Variants in PITPNC1 observed in about 807,000 individuals in gnomAD.
PITPNC1 encodes the protein phosphatidylinositol transfer protein cytoplasmic 1.
A neutral mutation model predicts 44.7 loss-of-function variants in PITPNC1; 18 were observed. The observed-to-expected ratio is 0.40, with a 90% CI of 0.28 to 0.60. The LOEUF (loss-of-function observed/expected upper bound fraction) is 0.60, where lower values mean the gene tolerates loss of function less well. Ranked by LOEUF, PITPNC1 falls within the 20% of genes least tolerant of loss-of-function variation. PITPNC1 has a pLI of 0.39. For missense variants in PITPNC1, 290 were observed against 418.4 expected (o/e 0.69, Z 2.68); for synonymous variants, 141 against 149.6 (o/e 0.94, Z 0.42).
chr17:67,464,160 T>C (rs2039388698), intron 1 of PITPNC1, among the ~76,000 whole-genome samples: 1 of 151,422 alleles, frequency 6.6e-6, no homozygotes, highest in African/African-American at 2.4e-5. Flanking sequence ...GCCACTGCAC[T>C]CCAGCCTGGG....
At chr17:67,380,969 C>T (rs1433291716) in intron 1 of PITPNC1, among the ~76,000 whole-genome samples, 5 of 151,968 alleles carry the variant, frequency 3.3e-5, no homozygotes, top group Admixed American at 6.6e-5. Flanking sequence ...GACAGGGACT[C>T]GCTGTGTTGC....
chr17:67,600,308 C>CA (rs1410867167), intron 5 of PITPNC1, among the ~76,000 whole-genome samples: 2 of 152,076 alleles, frequency 1.3e-5, no homozygotes, highest in African/African-American at 2.4e-5. Flanking sequence ...AAAAACGACC[C>CA]CGCAAATCTA....
rs151024440 is a variant in PITPNC1, at chr17:67,641,783, AAATAATAAT to A, written c.462+9578_462+9586del. On this transcript the variant is annotated intron_variant, in intron 6 of 8. Coordinates refer to ENST00000581322, the MANE Select transcript of PITPNC1 (RefSeq NM_012417.4). ...GGCAGCAGAGCAAGACCCTACCTCA[AAATAATAAT>A]AATAATAATAATAATAATAATAATA... is the stretch of plus-strand genomic sequence containing the variant. 6.9e-3 allele frequency among the ~76,000 whole-genome samples: 937 copies of A among 135,906 alleles called. 7 individuals carry two copies. The highest frequency in any genetic ancestry group is 0.017 in the African/African-American group (615 of 36,594). The allele number at this position is 135,906 out of a possible 152,430, so 89.2% of individuals were successfully genotyped here.
intron 5 of PITPNC1, among the ~76,000 whole-genome samples, chr17:67,593,117 A>C (rs776240633): frequency 6.6e-5 from 10 of 152,224 alleles, no homozygotes; most frequent in African/African-American, 9.6e-5. Flanking sequence ...TACAAACCTG[A>C]CCATGGAAAC....
intron 5 of PITPNC1, among the ~76,000 whole-genome samples, chr17:67,617,264 G>T (rs1268928511): frequency 1.3e-5 from 2 of 152,216 alleles, no homozygotes; most frequent in East Asian, 3.8e-4. Context: ...CCAGCACTTC[G>T]GGAGGCCGAG....
At chr17:67,534,541 G>A (rs2040503427) in intron 2 of PITPNC1, among the ~76,000 whole-genome samples, 1 of 151,970 alleles carries the variant, frequency 6.6e-6, no homozygotes, top group South Asian at 2.1e-4. Context: ...GGAAGGCTGA[G>A]GTGGGAGGAT....
intron 5 of PITPNC1, among the ~76,000 whole-genome samples, chr17:67,589,063 TATC>T (rs2041357351): frequency 6.6e-6 from 1 of 152,210 alleles, no homozygotes; most frequent in African/African-American, 2.4e-5. Flanking sequence ...GAAGGATTAT[TATC>T]TGCTTTGGTC....
intron 2 of PITPNC1, among the ~76,000 whole-genome samples, chr17:67,541,691 A>C (rs2040610056): frequency 6.6e-6 from 1 of 152,212 alleles, no homozygotes; most frequent in African/African-American, 2.4e-5. Context: ...TATATCTAGA[A>C]ACTCAAGTGA....
At chr17:67,632,384 A>C (rs113088883) in intron 6 of PITPNC1, 146 bp downstream of exon 6, 250 of 623,470 alleles carry the variant, frequency 4.0e-4, no homozygotes, top group African/African-American at 1.8e-3. Flanking sequence ...TCTTTTTGCA[A>C]GTCTCAAAAT....
intron 2 of PITPNC1, among the ~76,000 whole-genome samples, chr17:67,540,383 G>T (rs1028055792): frequency 6.6e-6 from 1 of 152,138 alleles, no homozygotes; most frequent in Non-Finnish European, 1.5e-5. Flanking sequence ...GGGATTACAG[G>T]TGTGAGCCAT....
chr17:67,528,420 A>G (rs1598782678), intron 1 of PITPNC1, among the ~76,000 whole-genome samples: 1 of 152,190 alleles, frequency 6.6e-6, no homozygotes, highest in Non-Finnish European at 1.5e-5. Flanking sequence ...GGCAATCAAT[A>G]AAGTGATGCT....
intron 8 of PITPNC1, among the ~76,000 whole-genome samples, chr17:67,689,810 C>CAAAG (rs2042887411): frequency 6.6e-6 from 1 of 152,154 alleles, no homozygotes. Context: ...TCTGCTTTTT[C>CAAAG]AAAGATAATA....
At chr17:67,584,503 C>G (rs1385633869) in intron 5 of PITPNC1, among the ~76,000 whole-genome samples, 1 of 151,982 alleles carries the variant, frequency 6.6e-6, no homozygotes, top group Non-Finnish European at 1.5e-5. Context: ...ATTGAAGTTC[C>G]AGTTATCACC....
intron 1 of PITPNC1, among the ~76,000 whole-genome samples, chr17:67,482,452 A>G (rs1285696449): frequency 1.3e-5 from 2 of 152,140 alleles, no homozygotes. Context: ...AATTTTGCAA[A>G]TCTTTTGCCT....
intron 4 of PITPNC1, among the ~76,000 whole-genome samples, chr17:67,564,603 G>A (rs2040950003): frequency 6.6e-6 from 1 of 152,074 alleles, no homozygotes; most frequent in Non-Finnish European, 1.5e-5. Context: ...GCTTTACTAG[G>A]CTTCTAGGTA....
chr17:67,467,498 T>C (rs78358352), intron 1 of PITPNC1, among the ~76,000 whole-genome samples: 2,101 of 152,308 alleles, frequency 0.014, 50 homozygotes, highest in African/African-American at 0.048. Flanking sequence ...GATGTTGTCA[T>C]AGGCTTTTGA....
chr17:67,684,852 T>C (rs1313901480), intron 8 of PITPNC1, among the ~76,000 whole-genome samples: 1 of 152,228 alleles, frequency 6.6e-6, no homozygotes, highest in Non-Finnish European at 1.5e-5. Context: ...GGATACATCT[T>C]TGAAAGCCCA....
In PITPNC1 at chr17:67,429,776, T is replaced by C. The variant is rs191879212; in HGVS notation, c.48+51574T>C. 2.8e-3 allele frequency among the ~76,000 whole-genome samples: 422 copies of C among 152,360 alleles called. 3 individuals are homozygous for C. The highest frequency in any genetic ancestry group is 3.7e-3 in the Non-Finnish European group (251 of 68,030). ...CATTTGTCATTTAAAATCTTGTTTT[T>C]ATGAATTTTATGATTTGAGAGAATT... is the stretch of plus-strand genomic sequence containing the variant. On this transcript the variant is annotated intron_variant, in intron 1 of 8. Transcript: ENST00000581322.
chr17:67,384,545 C>T (rs2038012505), intron 1 of PITPNC1, among the ~76,000 whole-genome samples: 1 of 152,126 alleles, frequency 6.6e-6, no homozygotes, highest in Non-Finnish European at 1.5e-5. Context: ...CCTGCCTCAG[C>T]TTCCCGAGTA....
Sources: gnomAD v4.1 joint callset for allele counts (sites outside exome capture counted in the v4.1 genomes callset) on GRCh38, gnomAD v4.1.1 for gene constraint, MANE v1.5 for transcripts, NCBI Gene and HGNC (gene_info 2026-07-23, HGNC 2026-07-21) for gene names.